The following ANK3 variants were observed in gnomAD, a reference collection of about 807,000 sequenced individuals.
ANK3 encodes ankyrin-3.
ANK3 carries 57 observed loss-of-function variants against 370.9 expected under a neutral mutation model. That is an observed-to-expected ratio of 0.15 (90% CI 0.12 to 0.19). The LOEUF is 0.19. Among genes scored for constraint, ANK3 ranks in the 10% least tolerant of loss-of-function variants. The pLI is 1.00. For synonymous variants in ANK3, 1,929 were observed against 1,946.3 expected, an observed-to-expected ratio of 0.99 and a Z score of 0.23; for missense variants, 4,439 against 5,302.1, an observed-to-expected ratio of 0.84 and a Z score of 5.06.
At chr10:60,389,955 A>C (rs188818385), upstream of ANK3, 2 of 639,654 alleles carry the variant, frequency 3.1e-6, no homozygotes, top group African/African-American at 4.0e-5. Flanking sequence ...ATGCAGAAGC[A>C]AAAATCCAGC....
intron 24 of ANK3, chr10:60,137,444 T>C (rs1590663573): frequency 3.5e-6 from 1 of 285,974 alleles, no homozygotes. Flanking sequence ...AAAAATGTTA[T>C]GGTTGAATGA....
intron 24 of ANK3, chr10:60,137,384 A>G: frequency 2.7e-6 from 1 of 367,986 alleles, no homozygotes; most frequent in South Asian, 2.1e-5. Context: ...GAAAAAAAAA[A>G]AAAAAAAACA....
intron 1 of ANK3, among the ~76,000 whole-genome samples, chr10:60,691,482 G>A (rs139953570): frequency 9.9e-5 from 15 of 152,206 alleles, no homozygotes; most frequent in South Asian, 4.2e-4. Flanking sequence ...ATTTAGAATC[G>A]TACCAGGCAC....
intron 2 of ANK3, among the ~76,000 whole-genome samples, chr10:60,595,374 G>T (rs528554533): frequency 6.6e-6 from 1 of 152,140 alleles, no homozygotes; most frequent in Admixed American, 6.5e-5. Flanking sequence ...GGGGAATGCT[G>T]ATTGGTTATG....
intron 1 of ANK3, among the ~76,000 whole-genome samples, chr10:60,318,542 T>C (rs1340653): frequency 0.6 from 90,803 of 151,972 alleles, 27,374 homozygotes; most frequent in South Asian, 0.76. Flanking sequence ...CAAAATTCAA[T>C]TGTAATATAC....
rs1465363461 is a variant in ANK3 at position 60,208,137 on chromosome 10, T to C, written c.1093A>G (p.Asn365Asp). ...QHNVPVDDVT[N>D]DYLTALHVAA... ...ACGTGTAGGGCAGTCAGGTAGTCAT[T>C]GGTGACATCATCCACGGGTACATTA... Residue 365 changes from asparagine to aspartate, a missense_variant, in exon 10 of 44, where the codon AAT (asparagine) becomes GAT (aspartate). This residue lies in a region of ANK3 where 227 missense variants were observed against 377.6 expected (regional missense o/e 0.60). Coordinates refer to ENST00000280772, the MANE Select transcript of ANK3 (RefSeq NM_020987.5). The C allele has an allele frequency of 6.2e-7, 1 of 1,613,948 alleles. No homozygotes were observed. The highest frequency in any genetic ancestry group is 1.3e-5 in the African/African-American group (1 of 74,884).
In ANK3 at chr10:60,071,386, G is replaced by T. The variant is rs1185188144; in HGVS notation, c.9495C>A (p.Ser3165Arg). Residue 3165 changes from serine to arginine, a missense_variant, in exon 37 of 44, where the codon AGC becomes AGA. This residue lies in a region of ANK3 where 1,601 missense variants were observed against 1,731.7 expected (regional missense o/e 0.92). Coordinates refer to ENST00000280772, the MANE Select transcript of ANK3 (RefSeq NM_020987.5). ...QVSFLDSSGK[S>R]PLTPETPSSE... ...AACTGGGTGTTTCTGGGGTTAAAGG[G>T]CTTTTCCCAGAGCTGTCTAGAAAGG... 6.2e-7 allele frequency: 1 copy of T among 1,614,078 alleles called. No individual in the cohort carries two copies. Among genetic ancestry groups the T allele is most frequent in the Non-Finnish European group, 8.5e-7 (1 of 1,179,988 alleles).
intron 23 of ANK3, among the ~76,000 whole-genome samples, chr10:60,156,366 T>C (rs2095326754): frequency 6.6e-6 from 1 of 152,238 alleles, no homozygotes; most frequent in South Asian, 2.1e-4. Context: ...GGGAATCCAA[T>C]GTCCTGATGG....
intron 2 of ANK3, among the ~76,000 whole-genome samples, chr10:60,603,637 T>G (rs1407358298): frequency 2.6e-5 from 4 of 152,172 alleles, no homozygotes; most frequent in Non-Finnish European, 5.9e-5. Flanking sequence ...GAAATGTTGA[T>G]TATCACAAGA....
At chr10:60,281,490 C>G (rs2098162432) in intron 1 of ANK3, among the ~76,000 whole-genome samples, 1 of 152,194 alleles carries the variant, frequency 6.6e-6, no homozygotes, top group Non-Finnish European at 1.5e-5. Context: ...AGATTGTACA[C>G]TTGAGGAGGC....
chr10:60,065,771 T>G (rs1375741931), intron 38 of ANK3, among the ~76,000 whole-genome samples: 1 of 152,228 alleles, frequency 6.6e-6, no homozygotes, highest in East Asian at 1.9e-4. Context: ...ACAGTCATTT[T>G]CTTTTATATA....
upstream of ANK3, among the ~76,000 whole-genome samples, chr10:60,392,709 A>G (rs1020087131): frequency 7.9e-5 from 12 of 152,116 alleles, no homozygotes; most frequent in African/African-American, 2.9e-4. Flanking sequence ...TGGGCAGATC[A>G]CTTGAGGTCA....
chr10:60,699,479 C>T (rs952885571), intron 1 of ANK3, among the ~76,000 whole-genome samples: 9 of 152,052 alleles, frequency 5.9e-5, no homozygotes, highest in African/African-American at 1.9e-4. Flanking sequence ...AATTGTGCTA[C>T]TTATATAGAA....
At chr10:60,705,503 T>C (rs988523778) in intron 1 of ANK3, among the ~76,000 whole-genome samples, 1 of 152,202 alleles carries the variant, frequency 6.6e-6, no homozygotes, top group Non-Finnish European at 1.5e-5. Context: ...CTCTAAGTTA[T>C]GATGAAACTA....
intron 2 of ANK3, among the ~76,000 whole-genome samples, chr10:60,481,759 C>T (rs753136343): frequency 9.9e-5 from 15 of 152,140 alleles, no homozygotes; most frequent in African/African-American, 1.4e-4. Context: ...CCACTGCACC[C>T]GGCCACAAGC....
Position 60,064,668 on chromosome 10 carries a change from CACAGCA to C in ANK3, c.12320-386_12320-381del, listed in dbSNP as rs374115205. On this transcript the variant is annotated intron_variant, in intron 38 of 43. Coordinates refer to ENST00000280772, the MANE Select transcript of ANK3 (RefSeq NM_020987.5). Reference sequence around the variant, plus strand: ...ATGGCAAAACCCCGGTCTCCATACACACAGCAACAACAACAACAACAACAACAACAA... The same window carrying C: ...ATGGCAAAACCCCGGTCTCCATACACACAACAACAACAACAACAACAACAA... 6.0e-3 allele frequency among the ~76,000 whole-genome samples: 658 copies of C among 110,526 alleles called. 2 individuals are homozygous for C. Among genetic ancestry groups the C allele is most frequent in the African/African-American group, 0.023 (551 of 24,044 alleles). The allele number at this position is 110,526 out of a possible 152,430, so 72.5% of individuals were successfully genotyped here.
intron 1 of ANK3, among the ~76,000 whole-genome samples, chr10:60,713,985 A>G (rs926340416): frequency 1.1e-4 from 17 of 152,266 alleles, no homozygotes; most frequent in Admixed American, 9.1e-4. Flanking sequence ...GAATTAATAA[A>G]GCTCTAGCCA....
intron 1 of ANK3, among the ~76,000 whole-genome samples, chr10:60,322,230 G>T (rs1268140006): frequency 1.3e-5 from 2 of 151,904 alleles, no homozygotes; most frequent in Non-Finnish European, 2.9e-5. Context: ...CTATTTATCT[G>T]TGCATTAATA....
At chr10:60,247,869 G>A (rs112489526) in intron 7 of ANK3, among the ~76,000 whole-genome samples, 129 of 152,246 alleles carry the variant, frequency 8.5e-4, no homozygotes, top group African/African-American at 3.1e-3. Context: ...ATTTCACCAT[G>A]TTGGCTAGGC....
Sources: gnomAD v4.1 joint callset for allele counts (sites outside exome capture counted in the v4.1 genomes callset) on GRCh38, gnomAD v4.1.1 for gene constraint, gnomAD v4.1.1 regional missense constraint, MANE v1.5 for transcripts, NCBI Gene and HGNC (gene_info 2026-07-23, HGNC 2026-07-21) for gene names.